Variants in LARGE1 observed in about 807,000 individuals in gnomAD.
LARGE1 encodes LARGE xylosyl- and glucuronyltransferase 1.
A neutral mutation model predicts 87.6 loss-of-function variants in LARGE1; 43 were observed. The observed-to-expected ratio is 0.49, with a 90% CI of 0.38 to 0.63. LARGE1 has a LOEUF of 0.63. Among genes scored for constraint, LARGE1 ranks in the 30% least tolerant of loss-of-function variants. LARGE1 has a pLI of 0.00. For missense variants in LARGE1, 802 were observed against 1,000.2 expected, an observed-to-expected ratio of 0.80 and a Z score of 2.67; for synonymous variants, 434 against 394.6, an observed-to-expected ratio of 1.10 and a Z score of -1.18.
At chr22:33,711,695 G>T (rs1156907262) in intron 2 of LARGE1, among the ~76,000 whole-genome samples, 4 of 152,208 alleles carry the variant, frequency 2.6e-5, no homozygotes, top group South Asian at 4.1e-4. Flanking sequence ...CACCCAGGCT[G>T]GAGTGCAATG....
At chr22:33,451,744 A>G (rs901936147) in intron 6 of LARGE1, among the ~76,000 whole-genome samples, 2 of 152,028 alleles carry the variant, frequency 1.3e-5, no homozygotes, top group Non-Finnish European at 2.9e-5. Flanking sequence ...TTTTTAGTAG[A>G]GACGGGGTTT....
At chr22:33,674,604 A>G (rs373680663) in intron 2 of LARGE1, among the ~76,000 whole-genome samples, 27 of 152,290 alleles carry the variant, frequency 1.8e-4, no homozygotes, top group African/African-American at 6.3e-4. Flanking sequence ...GGTATGGCAA[A>G]CTGTCTCATC....
At chr22:33,151,048 T>C in the LARGE1 span, among the ~76,000 whole-genome samples, 2 of 152,178 alleles carry the variant, frequency 1.3e-5, no homozygotes, top group Non-Finnish European at 2.9e-5. Context: ...ACAATTGATA[T>C]CTTTACTATG....
rs3216429 is a variant in LARGE1, at chr22:33,915,430, GT to G, written c.-83+4564del. ...AAATGGAATTTGTTCTCACCTAAGTGTTTTTTTTTTCATATTATATCATTTG... is the reference window on the plus strand; with the variant it reads ...AAATGGAATTTGTTCTCACCTAAGTGTTTTTTTTTCATATTATATCATTTG... On this transcript the variant is annotated intron_variant, in intron 1 of 14. Transcript: ENST00000397394. Among the ~76,000 whole-genome samples, 798 of 148,480 alleles carry G rather than the reference GT, an allele frequency of 5.4e-3. 7 individuals carry two copies. Among genetic ancestry groups the G allele is most frequent in the African/African-American group, 0.019 (751 of 40,488 alleles).
chr22:33,475,668 G>A (rs1220274132), intron 6 of LARGE1, among the ~76,000 whole-genome samples: 6 of 152,068 alleles, frequency 3.9e-5, no homozygotes, highest in Admixed American at 1.3e-4. Context: ...TCTCCAAGTC[G>A]GTCAGAGTGG....
chr22:33,498,052 T>A (rs889822201), intron 6 of LARGE1, among the ~76,000 whole-genome samples: 3 of 152,004 alleles, frequency 2.0e-5, no homozygotes, highest in African/African-American at 7.2e-5. Context: ...TCAGCTAATT[T>A]TTTTGTATTT....
intron 4 of LARGE1, among the ~76,000 whole-genome samples, chr22:33,616,752 G>A (rs965531997): frequency 5.3e-5 from 8 of 152,194 alleles, no homozygotes; most frequent in Non-Finnish European, 8.8e-5. Flanking sequence ...TTCATGAAAT[G>A]TCCAGAACAG....
chr22:33,810,760 G>T (rs2086468178), intron 1 of LARGE1, among the ~76,000 whole-genome samples: 1 of 150,286 alleles, frequency 6.7e-6, no homozygotes, highest in African/African-American at 2.5e-5. Flanking sequence ...GTCTTGCTCT[G>T]TTGCCCAGGC....
At chr22:33,489,152 G>C (rs1054048989) in intron 6 of LARGE1, among the ~76,000 whole-genome samples, 1 of 152,162 alleles carries the variant, frequency 6.6e-6, no homozygotes, top group Admixed American at 6.5e-5. Flanking sequence ...GCCTATCCTC[G>C]TGGAGCTTAT....
At chr22:33,418,634 C>A (rs372821158) in intron 7 of LARGE1, among the ~76,000 whole-genome samples, 4 of 152,072 alleles carry the variant, frequency 2.6e-5, no homozygotes, top group Admixed American at 6.6e-5. Flanking sequence ...AGCAGAAGAG[C>A]GGTCCAGGCA....
intron 2 of LARGE1, among the ~76,000 whole-genome samples, chr22:33,686,020 T>G (rs991513862): frequency 2.6e-5 from 4 of 152,190 alleles, no homozygotes; most frequent in African/African-American, 4.8e-5. Flanking sequence ...TTTATGGTAG[T>G]ATTTATCGAC....
At chr22:33,235,628 T>G (rs917043647) in intron 11 of LARGE1, among the ~76,000 whole-genome samples, 1 of 152,216 alleles carries the variant, frequency 6.6e-6, no homozygotes, top group Admixed American at 6.5e-5. Flanking sequence ...AAGCTCCATC[T>G]GAACACCTTC....
In LARGE1 at chr22:33,534,264, C is replaced by T. The variant is rs186201651; in HGVS notation, c.787+30584G>A. 3.0e-4 allele frequency among the ~76,000 whole-genome samples: 46 copies of T among 152,160 alleles called. 1 individual carries two copies. Among genetic ancestry groups the T allele is most frequent in the African/African-American group, 5.1e-4 (21 of 41,518 alleles). On this transcript the variant is annotated intron_variant, in intron 6 of 14. Coordinates refer to ENST00000397394, the MANE Select transcript of LARGE1 (RefSeq NM_133642.5). ...CTAAAAATACAAAAAATTAGCCGGG[C>T]GTGGTGGTGGGCACCTGTAGTCCCA...
chr22:33,748,024 C>CAAAAAAA (rs535230421), intron 2 of LARGE1, among the ~76,000 whole-genome samples: 482 of 21,734 alleles, frequency 0.022, 80 homozygotes, highest in East Asian at 0.071. Context: ...TCTGCTGGAG[C>CAAAAAAA]AAAAAAAAAA....
At chr22:33,751,120 T>G (rs1408750349) in intron 2 of LARGE1, among the ~76,000 whole-genome samples, 1 of 152,178 alleles carries the variant, frequency 6.6e-6, no homozygotes. Context: ...AATGAACAAG[T>G]CCTAAGTGAA....
At chr22:33,180,910 G>C (rs1379638950) in intron 11 of LARGE1, among the ~76,000 whole-genome samples, 1 of 152,098 alleles carries the variant, frequency 6.6e-6, no homozygotes, top group Non-Finnish European at 1.5e-5. Context: ...GATTTCTGGG[G>C]GATAGGATTG....
chr22:33,523,849 A>G (rs1047770622), intron 6 of LARGE1, among the ~76,000 whole-genome samples: 32 of 152,230 alleles, frequency 2.1e-4, no homozygotes, highest in African/African-American at 7.5e-4. Flanking sequence ...GATAACTAGT[A>G]CAATATCCAA....
intron 9 of LARGE1, among the ~76,000 whole-genome samples, chr22:33,355,929 A>T (rs569610709): frequency 6.6e-6 from 1 of 152,280 alleles, no homozygotes; most frequent in South Asian, 2.1e-4. Flanking sequence ...TATAAAATAG[A>T]TGTGGGAAAT....
At chr22:33,589,993 C>T (rs1040263541) in intron 5 of LARGE1, among the ~76,000 whole-genome samples, 2 of 152,118 alleles carry the variant, frequency 1.3e-5, no homozygotes, top group Non-Finnish European at 2.9e-5. Context: ...GAACACTTCA[C>T]TCATTTTTAT....
Sources: allele counts gnomAD v4.1 joint callset (sites outside exome capture counted in the v4.1 genomes callset), GRCh38; gene constraint gnomAD v4.1.1; transcripts MANE v1.5; gene names NCBI Gene and HGNC (gene_info 2026-07-23, HGNC 2026-07-21).